Variants in CNTN5 observed in about 807,000 individuals in gnomAD.
CNTN5 encodes contactin-5.
Under a neutral mutation model 129.1 loss-of-function variants are expected in CNTN5, and 77 were observed. The observed-to-expected ratio is 0.60, with a 90% CI of 0.50 to 0.72. The LOEUF is 0.72. CNTN5 is among the 30% of genes least tolerant of loss of function. The pLI is 0.00. For synonymous variants in CNTN5, 509 were observed against 465.6 expected (o/e 1.09, Z -1.20); for missense variants, 1,478 against 1,328.8 (o/e 1.11, Z -1.75).
At chr11:100,012,798 T>C (rs895560097) in intron 9 of CNTN5, among the ~76,000 whole-genome samples, 2 of 152,190 alleles carry the variant, frequency 1.3e-5, no homozygotes, top group African/African-American at 4.8e-5. Flanking sequence ...GGAATCTTAA[T>C]AGGCAAGACA....
intron 15 of CNTN5, among the ~76,000 whole-genome samples, chr11:100,217,406 G>T (rs1323888066): frequency 6.6e-6 from 1 of 152,144 alleles, no homozygotes. Flanking sequence ...CAAAATGACA[G>T]TCTACCAAGT....
intron 10 of CNTN5, among the ~76,000 whole-genome samples, chr11:100,065,267 G>A (rs1378061092): frequency 1.3e-5 from 2 of 151,998 alleles, no homozygotes; most frequent in Non-Finnish European, 2.9e-5. Context: ...TTGATTGTAA[G>A]CTCTTTCAAA....
At chr11:99,438,976 C>A (rs940487682) in intron 2 of CNTN5, among the ~76,000 whole-genome samples, 1 of 152,042 alleles carries the variant, frequency 6.6e-6, no homozygotes, top group Non-Finnish European at 1.5e-5. Context: ...CAAAATCACA[C>A]ATAAGTTAAA....
chr11:99,465,873 C>CCT (rs1944913805), intron 2 of CNTN5, among the ~76,000 whole-genome samples: 1 of 80,358 alleles, frequency 1.2e-5, no homozygotes, highest in African/African-American at 4.7e-5. Context: ...GTGCCACACA[C>CCT]CTTTTTTTTT....
chr11:99,859,767 G>T (rs1045490575), intron 6 of CNTN5, among the ~76,000 whole-genome samples: 5 of 152,132 alleles, frequency 3.3e-5, no homozygotes, highest in African/African-American at 1.2e-4. Context: ...CACCTAGGTT[G>T]ATTCCACGTC....
intron 2 of CNTN5, among the ~76,000 whole-genome samples, chr11:99,460,363 T>C (rs1327795620): frequency 6.6e-6 from 1 of 151,810 alleles, no homozygotes; most frequent in Non-Finnish European, 1.5e-5. Flanking sequence ...AGAAAGCACA[T>C]TTCTCATGAG....
chr11:100,166,789 T>A (rs771629549), intron 13 of CNTN5, among the ~76,000 whole-genome samples: 4 of 151,728 alleles, frequency 2.6e-5, no homozygotes, highest in Non-Finnish European at 5.9e-5. Context: ...CCTGGTGGAT[T>A]CTCTGTTTGG....
At chr11:99,323,713 C>T (rs1478878682) in intron 1 of CNTN5, among the ~76,000 whole-genome samples, 1 of 152,032 alleles carries the variant, frequency 6.6e-6, no homozygotes, top group Non-Finnish European at 1.5e-5. Flanking sequence ...TTGTCAAATC[C>T]TAAAATGAAG....
chr11:99,098,786 A>G (rs1866590886), intron 1 of CNTN5, among the ~76,000 whole-genome samples: 1 of 152,048 alleles, frequency 6.6e-6, no homozygotes, highest in African/African-American at 2.4e-5. Flanking sequence ...AATAGAAAGT[A>G]TTTTTCAGAG....
At chr11:99,290,882 T>C (rs1270952993) in intron 1 of CNTN5, among the ~76,000 whole-genome samples, 5 of 151,926 alleles carry the variant, frequency 3.3e-5, no homozygotes, top group Non-Finnish European at 7.4e-5. Context: ...TTAACTTACT[T>C]TGATAATTAT....
chr11:99,827,836 C>T lies in CNTN5; in HGVS notation c.277+8071C>T, dbSNP rs75164389. On this transcript the variant is annotated intron_variant, in intron 4 of 24. Transcript: ENST00000524871. Reference sequence around the variant, plus strand: ...TGAATGTTTGTGACGCAAATTTTTACGCAGCTCTCTCGACTATTTTTCTTT... The same window carrying T: ...TGAATGTTTGTGACGCAAATTTTTATGCAGCTCTCTCGACTATTTTTCTTT... Among the ~76,000 whole-genome samples the T allele has an allele frequency of 8.0e-3, 1,211 of 152,216 alleles. 6 individuals are homozygous for T. The highest frequency in any genetic ancestry group is 0.013 in the Non-Finnish European group (875 of 68,024).
At chr11:99,911,994 A>T (rs1348044974) in intron 6 of CNTN5, among the ~76,000 whole-genome samples, 3 of 151,958 alleles carry the variant, frequency 2.0e-5, no homozygotes, top group Non-Finnish European at 4.4e-5. Context: ...CACCATGCTT[A>T]TTTTGTCTTC....
At chr11:99,813,186 A>G (rs1384933511) in intron 3 of CNTN5, among the ~76,000 whole-genome samples, 1 of 152,114 alleles carries the variant, frequency 6.6e-6, no homozygotes, top group Non-Finnish European at 1.5e-5. Context: ...CTTGGAAAAA[A>G]GAATGTTAGA....
chr11:99,057,434 G>A (rs1382683259), intron 1 of CNTN5, among the ~76,000 whole-genome samples: 2 of 151,762 alleles, frequency 1.3e-5, no homozygotes, highest in Non-Finnish European at 3.0e-5. Context: ...TTCTAAGTGT[G>A]TTTTTAACAA....
intron 6 of CNTN5, among the ~76,000 whole-genome samples, chr11:99,862,871 G>A (rs1948251119): frequency 6.6e-6 from 1 of 151,922 alleles, no homozygotes; most frequent in African/African-American, 2.4e-5. Flanking sequence ...CTTAATAAAG[G>A]CATGTAACCT....
intron 1 of CNTN5, among the ~76,000 whole-genome samples, chr11:99,145,984 T>C (rs747751082): frequency 6.6e-6 from 1 of 152,128 alleles, no homozygotes; most frequent in Non-Finnish European, 1.5e-5. Flanking sequence ...GGCCATTTCT[T>C]TTCTATTCTC....
chr11:99,732,783 G>T (rs1485004173), intron 3 of CNTN5, among the ~76,000 whole-genome samples: 1 of 152,104 alleles, frequency 6.6e-6, no homozygotes, highest in Non-Finnish European at 1.5e-5. Flanking sequence ...AATAGAGGAA[G>T]ATTAACTGAC....
At chr11:99,857,912 G>C (rs548694581) in intron 6 of CNTN5, among the ~76,000 whole-genome samples, 62 of 152,152 alleles carry the variant, frequency 4.1e-4, no homozygotes, top group Admixed American at 3.8e-3. Context: ...TATAGTGACA[G>C]AATTTATCAA....
intron 2 of CNTN5, among the ~76,000 whole-genome samples, chr11:99,526,194 G>A (rs982929116): frequency 6.6e-6 from 1 of 152,138 alleles, no homozygotes; most frequent in Admixed American, 6.6e-5. Context: ...ATAAAGAAGA[G>A]AAAATATTTA....
Sources: gnomAD v4.1 joint callset for allele counts (sites outside exome capture counted in the v4.1 genomes callset) on GRCh38, gnomAD v4.1.1 for gene constraint, MANE v1.5 for transcripts, NCBI Gene and HGNC (gene_info 2026-07-23, HGNC 2026-07-21) for gene names.